Variants in ARHGAP15 observed in about 807,000 individuals in gnomAD.
ARHGAP15 encodes rho GTPase-activating protein 15.
A neutral mutation model predicts 63.7 loss-of-function variants in ARHGAP15; 51 were observed. The observed-to-expected ratio is 0.80, with a 90% CI of 0.64 to 1.01. ARHGAP15 has a LOEUF of 1.01. Among genes scored for constraint, ARHGAP15 ranks in the 50% least tolerant of loss-of-function variants. The pLI is 0.00. For synonymous variants in ARHGAP15, 191 were observed against 193.8 expected (o/e 0.99, Z 0.12); for missense variants, 560 against 564.6 (o/e 0.99, Z 0.08).
At chr2:143,222,909 C>A (rs1353295821) in intron 4 of ARHGAP15, among the ~76,000 whole-genome samples, 1 of 152,132 alleles carries the variant, frequency 6.6e-6, no homozygotes, top group Non-Finnish European at 1.5e-5. Flanking sequence ...GTAGTTAGCA[C>A]CCCTTTTCCC....
chr2:143,151,989 C>A (rs1378235435), intron 1 of ARHGAP15, among the ~76,000 whole-genome samples: 1 of 151,928 alleles, frequency 6.6e-6, no homozygotes, highest in Non-Finnish European at 1.5e-5. Context: ...CAGGGCTCTG[C>A]TTCCCTCTCA....
At chr2:143,278,840 C>T (rs2105075196) in intron 6 of ARHGAP15, among the ~76,000 whole-genome samples, 1 of 151,048 alleles carries the variant, frequency 6.6e-6, no homozygotes, top group South Asian at 2.1e-4. Flanking sequence ...TTCTTTGTAC[C>T]TAGCTACGCT....
intron 10 of ARHGAP15, among the ~76,000 whole-genome samples, chr2:143,545,664 T>C (rs1695298676): frequency 1.3e-5 from 2 of 152,056 alleles, no homozygotes; most frequent in African/African-American, 4.8e-5. Flanking sequence ...GTGATAAATA[T>C]ATTTATATAA....
intron 1 of ARHGAP15, among the ~76,000 whole-genome samples, chr2:143,140,177 T>C (rs183061192): frequency 1.4e-3 from 219 of 152,246 alleles, no homozygotes; most frequent in African/African-American, 5.1e-3. Flanking sequence ...ATGAAACTCA[T>C]CAAAAGCAAT....
intron 13 of ARHGAP15, among the ~76,000 whole-genome samples, chr2:143,715,243 C>T (rs189668121): frequency 3.9e-5 from 6 of 152,288 alleles, no homozygotes; most frequent in African/African-American, 1.4e-4. Context: ...TCTTGTGAGA[C>T]TTATTCGCTA....
At chr2:143,244,069 A>G (rs1693959558) in intron 5 of ARHGAP15, among the ~76,000 whole-genome samples, 1 of 152,196 alleles carries the variant, frequency 6.6e-6, no homozygotes, top group African/African-American at 2.4e-5. Flanking sequence ...CACTTTGTGA[A>G]CTGTCATTCT....
At chr2:143,648,884 GA>G (rs1311531518) in intron 12 of ARHGAP15, 3 of 151,924 alleles carry the variant, frequency 2.0e-5, no homozygotes, top group Non-Finnish European at 4.4e-5. Flanking sequence ...TTCTGGGAGT[GA>G]ACAGTAAGGT....
chr2:143,711,390 G>C (rs968558061), intron 13 of ARHGAP15, among the ~76,000 whole-genome samples: 1 of 152,146 alleles, frequency 6.6e-6, no homozygotes, highest in African/African-American at 2.4e-5. Context: ...CCCCCCAGAG[G>C]ACATGAAACA....
intron 6 of ARHGAP15, among the ~76,000 whole-genome samples, chr2:143,318,262 TC>T (rs1476423045): frequency 6.6e-6 from 1 of 152,006 alleles, no homozygotes; most frequent in Non-Finnish European, 1.5e-5. Context: ...CACCTCGATC[TC>T]CCAAAGAGCT....
chr2:143,550,735 G>A (rs570294704), intron 10 of ARHGAP15, among the ~76,000 whole-genome samples: 4 of 152,226 alleles, frequency 2.6e-5, no homozygotes, highest in Non-Finnish European at 4.4e-5. Flanking sequence ...TAACTTTTGG[G>A]AGCTCTCCTT....
chr2:143,497,584 G>T (rs1486657996), intron 9 of ARHGAP15, among the ~76,000 whole-genome samples: 1 of 152,124 alleles, frequency 6.6e-6, no homozygotes. Flanking sequence ...GTTCTTGTTA[G>T]CTTTTCAGGG....
At chr2:143,660,915 T>C (rs1329359527) in intron 12 of ARHGAP15, among the ~76,000 whole-genome samples, 1 of 152,230 alleles carries the variant, frequency 6.6e-6, no homozygotes, top group Non-Finnish European at 1.5e-5. Flanking sequence ...TACAGTTCTG[T>C]AGTTTAGAAG....
At chr2:143,589,734 G>C (rs1033637013) in intron 11 of ARHGAP15, among the ~76,000 whole-genome samples, 1 of 152,274 alleles carries the variant, frequency 6.6e-6, no homozygotes, top group African/African-American at 2.4e-5. Flanking sequence ...ACAATATAAA[G>C]ATGGGTAGGA....
Position 143,487,442 on chromosome 2 carries a change from T to G in ARHGAP15, c.773T>G (p.Phe258Cys). ...CGAGTTAAAAGCAGATTAAAGAAGT[T>G]TATTACCCGAAGACCTTCCCTGAAA... is the stretch of plus-strand genomic sequence containing the variant. Reference protein sequence around the residue: ...KNRVKSRLKKFITRRPSLKTL... With the variant: ...KNRVKSRLKKCITRRPSLKTL... Residue 258 changes from phenylalanine to cysteine, a missense_variant, in exon 9 of 14, where the codon TTT becomes TGT. Phe to Cys is a radical substitution (Grantham distance 205). Coordinates refer to ENST00000295095, the MANE Select transcript of ARHGAP15 (RefSeq NM_018460.4). 1.2e-6 allele frequency: 2 copies of G among 1,613,858 alleles called. No individual in the cohort carries two copies. The highest frequency in any genetic ancestry group is 1.7e-6 in the Non-Finnish European group (2 of 1,179,898).
intron 13 of ARHGAP15, among the ~76,000 whole-genome samples, chr2:143,748,121 A>G (rs938817): frequency 0.2 from 29,904 of 152,190 alleles, 3,385 homozygotes; most frequent in East Asian, 0.48. Flanking sequence ...ACTATCAAAC[A>G]TCTACTAGAG....
intron 6 of ARHGAP15, among the ~76,000 whole-genome samples, chr2:143,323,746 G>T (rs1381053203): frequency 1.3e-5 from 2 of 151,562 alleles, no homozygotes; most frequent in Admixed American, 6.6e-5. Context: ...AATCAGCCGG[G>T]CGTTGTGGCG....
intron 6 of ARHGAP15, among the ~76,000 whole-genome samples, chr2:143,369,804 TTTC>T (rs962156027): frequency 9.9e-5 from 15 of 152,098 alleles, no homozygotes; most frequent in Admixed American, 4.6e-4. Flanking sequence ...CAGTATTCTT[TTTC>T]TTCTTCTTCT....
At chr2:143,362,727 C>G (rs1279922181) in intron 6 of ARHGAP15, among the ~76,000 whole-genome samples, 1 of 152,208 alleles carries the variant, frequency 6.6e-6, no homozygotes, top group Non-Finnish European at 1.5e-5. Context: ...ACTACTCTAA[C>G]TACTTGGTTG....
At chr2:143,358,512 TTGAA>T (rs1685899354) in intron 6 of ARHGAP15, among the ~76,000 whole-genome samples, 1 of 151,762 alleles carries the variant, frequency 6.6e-6, no homozygotes, top group East Asian at 1.9e-4. Flanking sequence ...ATTTTTGTGA[TTGAA>T]AGAAAATATG....
Sources: allele counts gnomAD v4.1 joint callset (sites outside exome capture counted in the v4.1 genomes callset), GRCh38; gene constraint gnomAD v4.1.1; transcripts MANE v1.5; gene names NCBI Gene and HGNC (gene_info 2026-07-23, HGNC 2026-07-21).